Variants in TBL1X observed in about 807,000 individuals in gnomAD.
TBL1X encodes F-box-like/WD repeat-containing protein TBL1X.
In TBL1X, 10 loss-of-function variants were observed where a neutral mutation model predicts 50.7. That is an observed-to-expected ratio of 0.20 (90% CI 0.12 to 0.33). The LOEUF (loss-of-function observed/expected upper bound fraction) is 0.33. Ranked by LOEUF, TBL1X falls within the 10% of genes least tolerant of loss-of-function variation. The pLI is 1.00. For synonymous variants in TBL1X, 190 were observed against 214.7 expected (o/e 0.88, Z 1.01); for missense variants, 340 against 504.4 (o/e 0.67, Z 3.12).
chrX:9,486,745 G>A (rs1185559113), intron 1 of TBL1X, among the ~76,000 whole-genome samples: 1 of 111,428 alleles, frequency 9.0e-6, no homozygotes, highest in East Asian at 2.8e-4. Flanking sequence ...AGGATCTCCT[G>A]AGGGCCATGT....
At chrX:9,590,461 G>A (rs2082494282) in intron 2 of TBL1X, among the ~76,000 whole-genome samples, 1 of 111,583 alleles carries the variant, frequency 9.0e-6, no homozygotes, top group African/African-American at 3.3e-5. Context: ...TTTTTGGTTG[G>A]TGTCGCCATA....
chrX:9,487,820 G>C (rs2081921319), intron 1 of TBL1X, among the ~76,000 whole-genome samples: 1 of 110,829 alleles, frequency 9.0e-6, no homozygotes, highest in Non-Finnish European at 1.9e-5. Context: ...CTTTCTTGGT[G>C]TAAGAGTTAG....
chrX:9,543,477 C>G (rs753543187), intron 2 of TBL1X, among the ~76,000 whole-genome samples: 7 of 110,372 alleles, frequency 6.3e-5, no homozygotes, highest in Non-Finnish European at 1.1e-4. Context: ...CCTCCTCCCC[C>G]CTCCTCCCTC....
chrX:9,469,785 C>T (rs774065514), intron 1 of TBL1X, among the ~76,000 whole-genome samples: 1 of 111,917 alleles, frequency 8.9e-6, no homozygotes, highest in South Asian at 3.8e-4. Flanking sequence ...CCCCCCCAGC[C>T]CCGAATCTGG....
chrX:9,581,474 G>A (rs2082441544), intron 2 of TBL1X, among the ~76,000 whole-genome samples: 2 of 111,236 alleles, frequency 1.8e-5, no homozygotes, highest in Admixed American at 1.9e-4. Flanking sequence ...GGGGGGATTG[G>A]GCACCCCTCC....
In TBL1X at chrX:9,716,595, C is replaced by CA. The variant is rs199914049; in HGVS notation, c.*358dup. 33 of 133,848 alleles carry CA rather than the reference C, an allele frequency of 2.5e-4. No individual in the cohort carries two copies. Among genetic ancestry groups the CA allele is most frequent in the South Asian group, 5.7e-4 (2 of 3,486 alleles). 11.0% of individuals were successfully genotyped at this position (133,848 alleles called of 1,213,427 possible). A position where few individuals can be genotyped will look rare whatever the true frequency, so the allele number is the denominator to read the frequency against. ...TGGAAAGAAACGTAAAAAGCTGTGC[C>CA]AAAAAAAAAGCAAAATGCTGTGATA... On this transcript the variant is annotated 3_prime_UTR_variant, in exon 18 of 18. Transcript: ENST00000645353.
chrX:9,584,240 G>T (rs765885962), intron 2 of TBL1X, among the ~76,000 whole-genome samples: 1 of 112,208 alleles, frequency 8.9e-6, no homozygotes, highest in Non-Finnish European at 1.9e-5. Context: ...GTAAATATAT[G>T]CAAAGAAGTA....
Position 9,716,750 on chromosome X carries a change from A to C in TBL1X, c.*504A>C, listed in dbSNP as rs2083281332. Reference sequence around the variant, plus strand: ...ACCAGTTTGTACCGATGAAACGCGCAACTTTGTAATCCCAACACTTTCTAT... The same window carrying C: ...ACCAGTTTGTACCGATGAAACGCGCCACTTTGTAATCCCAACACTTTCTAT... On this transcript the variant is annotated 3_prime_UTR_variant, in exon 18 of 18. Coordinates refer to ENST00000645353, the MANE Select transcript of TBL1X (RefSeq NM_005647.4). The C allele has an allele frequency of 9.0e-6, 1 of 111,143 alleles. No homozygotes were observed. The highest frequency in any genetic ancestry group is 2.8e-4 in the East Asian group (1 of 3,519). 9.2% of individuals were successfully genotyped at this position (111,143 alleles called of 1,213,427 possible).
chrX:9,512,278 A>G (rs1439360505), intron 2 of TBL1X, among the ~76,000 whole-genome samples: 1 of 111,191 alleles, frequency 9.0e-6, no homozygotes, highest in Non-Finnish European at 1.9e-5. Flanking sequence ...CCATGAATTC[A>G]TCATAGATAT....
intron 2 of TBL1X, among the ~76,000 whole-genome samples, chrX:9,566,838 G>C (rs2082354057): frequency 8.9e-6 from 1 of 111,883 alleles, no homozygotes; most frequent in African/African-American, 3.3e-5. Flanking sequence ...AATTGACACA[G>C]GAAGTCAACA....
At chrX:9,572,166 C>CTT (rs2082389591) in intron 2 of TBL1X, among the ~76,000 whole-genome samples, 1 of 112,147 alleles carries the variant, frequency 8.9e-6, no homozygotes, top group Admixed American at 9.4e-5. Context: ...TTCTCTGCTG[C>CTT]TTTAGGAACT....
chrX:9,511,073 G>A (rs1489801852), intron 2 of TBL1X, among the ~76,000 whole-genome samples: 1 of 112,287 alleles, frequency 8.9e-6, no homozygotes, highest in African/African-American at 3.2e-5. Flanking sequence ...TACAGGGATT[G>A]TGTGGCCCAC....
At chrX:9,623,542 C>T (rs916055912) in intron 2 of TBL1X, among the ~76,000 whole-genome samples, 3 of 110,890 alleles carry the variant, frequency 2.7e-5, no homozygotes, top group African/African-American at 6.6e-5. Context: ...CAAAAATTAG[C>T]GGGGCATAGT....
At chrX:9,661,587 G>A (rs767022410) in intron 5 of TBL1X, among the ~76,000 whole-genome samples, 6 of 111,963 alleles carry the variant, frequency 5.4e-5, no homozygotes, top group African/African-American at 1.9e-4. Flanking sequence ...CTCTGGTGGC[G>A]ATGCCATTCA....
chrX:9,591,528 A>G (rs953610947), intron 2 of TBL1X, among the ~76,000 whole-genome samples: 1 of 112,584 alleles, frequency 8.9e-6, no homozygotes, highest in South Asian at 3.7e-4. Context: ...ATGGTTTACT[A>G]CTGCTTGCTT....
At chrX:9,491,628 G>T (rs769809242) in intron 1 of TBL1X, among the ~76,000 whole-genome samples, 2 of 109,997 alleles carry the variant, frequency 1.8e-5, no homozygotes, top group Admixed American at 9.8e-5. Flanking sequence ...TGTGAGTTGC[G>T]CTCTGTGGTT....
At chrX:9,629,723 CTTTGATAGAACA>C (rs1393235834) in intron 2 of TBL1X, among the ~76,000 whole-genome samples, 1 of 111,817 alleles carries the variant, frequency 8.9e-6, no homozygotes, top group African/African-American at 3.3e-5. Flanking sequence ...TGCTGGAGAA[CTTTGATAGAACA>C]TGGCAGTTGC....
At chrX:9,475,204 C>T (rs2081842123) in intron 1 of TBL1X, among the ~76,000 whole-genome samples, 1 of 111,545 alleles carries the variant, frequency 9.0e-6, no homozygotes, top group Admixed American at 9.5e-5. Context: ...TTTCATCTAT[C>T]ATGGTTATTA....
At chrX:9,608,244 A>G (rs1234785816) in intron 2 of TBL1X, among the ~76,000 whole-genome samples, 1 of 111,413 alleles carries the variant, frequency 9.0e-6, no homozygotes, top group Non-Finnish European at 1.9e-5. Flanking sequence ...CTGACTCACC[A>G]CTGTTGCTGT....
Sources: gnomAD v4.1 joint callset for allele counts (sites outside exome capture counted in the v4.1 genomes callset) on GRCh38, gnomAD v4.1.1 for gene constraint, MANE v1.5 for transcripts, NCBI Gene and HGNC (gene_info 2026-07-23, HGNC 2026-07-21) for gene names.